Variants in PTPRM observed in about 807,000 individuals in gnomAD.
PTPRM encodes the protein protein tyrosine phosphatase receptor type M, also known as receptor-type tyrosine-protein phosphatase mu.
A neutral mutation model predicts 186.7 loss-of-function variants in PTPRM; 47 were observed. The ratio of observed to expected loss-of-function variants is 0.25; its 90% CI spans 0.20 to 0.32. PTPRM has a LOEUF of 0.32. Ranked by LOEUF, PTPRM falls within the 10% of genes least tolerant of loss-of-function variation. The probability of loss-of-function intolerance (pLI) is 1.00; values close to 1 mark genes in which losing one functional copy is unlikely to be tolerated. For synonymous variants in PTPRM, 668 were observed against 674.9 expected, an observed-to-expected ratio of 0.99 and a Z score of 0.16; for missense variants, 1,494 against 1,865.0, an observed-to-expected ratio of 0.80 and a Z score of 3.66.
Position 8,253,303 on chromosome 18 carries a change from C to T in PTPRM, c.2643C>T (p.Asp881=), listed in dbSNP as rs377184023. Residue 881 remains aspartate, a synonymous_variant, in exon 19 of 33, where the codon GAC becomes GAT. Coordinates refer to ENST00000580170, the MANE Select transcript of PTPRM (RefSeq NM_001105244.2). ...SHTYKKREPA[D]VPYQTGQLHP... ...CTTACAAGAAGCGAGAGCCGGCCGA[C>T]GTGCCCTATCAGACTGGGCAGCTCC... 1.3e-5 allele frequency: 21 copies of T among 1,597,938 alleles called. No individual in the cohort carries two copies. The African/African-American group carries it at 2.3e-4, about 17-fold the overall frequency.
At chr18:7,697,055 A>G (rs600533) in intron 1 of PTPRM, among the ~76,000 whole-genome samples, 9,146 of 152,266 alleles carry the variant, frequency 0.06, 338 homozygotes, top group Middle Eastern at 0.16. Context: ...GGAGTGGTTT[A>G]TTAAAGGGAA....
In PTPRM at chr18:8,060,860, A is replaced by C. The variant is rs1440446559; in HGVS notation, c.1133-8826A>C. Among the ~76,000 whole-genome samples the C allele has an allele frequency of 3.6e-5, 2 of 55,848 alleles. 1 individual carries two copies. The highest frequency in any genetic ancestry group is 7.2e-5 in the Non-Finnish European group (2 of 27,632). 36.6% of individuals were successfully genotyped at this position (55,848 alleles called of 152,430 possible). A position where few individuals can be genotyped will look rare whatever the true frequency, so the allele number is the denominator to read the frequency against. On this transcript the variant is annotated intron_variant, in intron 7 of 32. Coordinates refer to ENST00000580170, the MANE Select transcript of PTPRM (RefSeq NM_001105244.2). ...TTGTGTTCTTTTACATTTGCTGAGG[A>C]GAGCTTTACTTCCAACTATGTGGTC...
intron 7 of PTPRM, among the ~76,000 whole-genome samples, chr18:8,053,551 T>G (rs2087668341): frequency 6.6e-6 from 1 of 152,188 alleles, no homozygotes. Flanking sequence ...CACTGTGTAG[T>G]TACTGTAGCT....
At chr18:8,384,719 G>T in intron 30 of PTPRM, 33 bp downstream of exon 30, 1 of 1,611,054 alleles carries the variant, frequency 6.2e-7, no homozygotes, top group South Asian at 1.1e-5. Context: ...CTGTGATTAT[G>T]GTTTCATTTA....
In PTPRM at chr18:8,313,383, AAC is replaced by A. The variant is rs376808410; in HGVS notation, c.2843-1396_2843-1395del. ...AAGGAAGGGTCCCTCTGCTAAAAGG[AAC>A]AGTTATTTAGGTAAATACTTTTTAA... On this transcript the variant is annotated intron_variant, in intron 20 of 32. Transcript: ENST00000580170. Among the ~76,000 whole-genome samples the A allele has an allele frequency of 4.5e-3, 685 of 152,324 alleles. 5 individuals carry two copies. Among genetic ancestry groups the A allele is most frequent in the African/African-American group, 0.016 (647 of 41,574 alleles).
At chr18:8,245,234 T>G (rs988030866) in intron 15 of PTPRM, among the ~76,000 whole-genome samples, 1 of 152,134 alleles carries the variant, frequency 6.6e-6, no homozygotes, top group African/African-American at 2.4e-5. Context: ...GAGCTTTGCG[T>G]TTCTCGTACA....
chr18:8,197,954 A>G (rs1436366817), intron 14 of PTPRM, among the ~76,000 whole-genome samples: 2 of 152,168 alleles, frequency 1.3e-5, no homozygotes, highest in Non-Finnish European at 2.9e-5. Flanking sequence ...CGAAGGGATC[A>G]TGGAGAAGGT....
intron 14 of PTPRM, among the ~76,000 whole-genome samples, chr18:8,239,262 T>C (rs1478684519): frequency 6.6e-6 from 1 of 151,170 alleles, no homozygotes; most frequent in African/African-American, 2.4e-5. Context: ...TTTTTGTTCT[T>C]GCGATAGTTT....
At chr18:8,094,894 A>G (rs2090936959) in intron 11 of PTPRM, among the ~76,000 whole-genome samples, 1 of 152,184 alleles carries the variant, frequency 6.6e-6, no homozygotes, top group Non-Finnish European at 1.5e-5. Flanking sequence ...TTGAAATTAG[A>G]TAAGCATAGT....
intron 1 of PTPRM, among the ~76,000 whole-genome samples, chr18:7,724,553 G>A (rs1297986021): frequency 6.6e-6 from 1 of 152,130 alleles, no homozygotes; most frequent in Non-Finnish European, 1.5e-5. Flanking sequence ...CTGTAAGATC[G>A]ATTACTTGAC....
chr18:7,835,001 T>G (rs1205657959), intron 2 of PTPRM, among the ~76,000 whole-genome samples: 2 of 146,566 alleles, frequency 1.4e-5, no homozygotes, highest in East Asian at 4.7e-4. Context: ...TCTTTTTTTT[T>G]TTTTTTTTTT....
At chr18:7,645,199 T>C (rs1472440499) in intron 1 of PTPRM, among the ~76,000 whole-genome samples, 1 of 152,212 alleles carries the variant, frequency 6.6e-6, no homozygotes, top group Non-Finnish European at 1.5e-5. Context: ...AAATATTAAA[T>C]AATTAATGTA....
intron 1 of PTPRM, among the ~76,000 whole-genome samples, chr18:7,719,635 G>A (rs2040409830): frequency 6.6e-6 from 1 of 151,840 alleles, no homozygotes; most frequent in Non-Finnish European, 1.5e-5. Flanking sequence ...CTACAGATAA[G>A]GTCAGCATAA....
Position 7,940,616 on chromosome 18 carries a change from C to T in PTPRM, c.664-8565C>T, listed in dbSNP as rs975144732. On this transcript the variant is annotated intron_variant, in intron 5 of 32. Coordinates refer to ENST00000580170, the MANE Select transcript of PTPRM (RefSeq NM_001105244.2). ...CACATGGTGGGGCTGAGTCAGCCGG[C>T]ACAGTGGTGCGGCCATGGCACAGTG... is the stretch of plus-strand genomic sequence containing the variant. Among the ~76,000 whole-genome samples, 9 of 151,874 alleles carry T rather than the reference C, an allele frequency of 5.9e-5. No homozygotes were observed. The South Asian group carries it at 6.3e-4, about 11-fold the overall frequency.
intron 32 of PTPRM, among the ~76,000 whole-genome samples, chr18:8,401,858 C>G (rs150441516): frequency 6.6e-6 from 1 of 152,220 alleles, no homozygotes; most frequent in Non-Finnish European, 1.5e-5. Flanking sequence ...GAAGTCTGAT[C>G]GGGAGCGGGG....
At chr18:7,890,443 C>A (rs2146374338) in intron 3 of PTPRM, among the ~76,000 whole-genome samples, 1 of 152,082 alleles carries the variant, frequency 6.6e-6, no homozygotes, top group African/African-American at 2.4e-5. Context: ...CTGTAAATTT[C>A]TTGCTTAATT....
intron 14 of PTPRM, among the ~76,000 whole-genome samples, chr18:8,231,831 C>T (rs543453145): frequency 6.6e-5 from 10 of 152,194 alleles, no homozygotes; most frequent in African/African-American, 1.4e-4. Flanking sequence ...GCAGAAAATA[C>T]GGAGTTCCCA....
At chr18:8,259,768 C>G (rs1347812777) in intron 19 of PTPRM, among the ~76,000 whole-genome samples, 1 of 152,022 alleles carries the variant, frequency 6.6e-6, no homozygotes, top group African/African-American at 2.4e-5. Context: ...CCAACCCAGC[C>G]TCCCAAGTAG....
At chr18:8,247,462 T>A (rs2094488044) in intron 15 of PTPRM, among the ~76,000 whole-genome samples, 1 of 152,194 alleles carries the variant, frequency 6.6e-6, no homozygotes, top group South Asian at 2.1e-4. Context: ...GGGAATCGTC[T>A]CCAAAAGCCA....
Sources: gnomAD v4.1 joint callset for allele counts (sites outside exome capture counted in the v4.1 genomes callset) on GRCh38, gnomAD v4.1.1 for gene constraint, MANE v1.5 for transcripts, NCBI Gene and HGNC (gene_info 2026-07-23, HGNC 2026-07-21) for gene names.